Variants in CTNNA2 observed in about 807,000 individuals in gnomAD.
CTNNA2 encodes catenin alpha 2.
Under a neutral mutation model 101.0 loss-of-function variants are expected in CTNNA2, and 42 were observed. That is an observed-to-expected ratio of 0.42 (90% confidence interval 0.32 to 0.54). The LOEUF (loss-of-function observed/expected upper bound fraction) is 0.54, where lower values mean the gene tolerates loss of function less well. Among genes scored for constraint, CTNNA2 ranks in the 20% least tolerant of loss-of-function variants. The pLI is 0.14. For synonymous variants in CTNNA2, 450 were observed against 456.4 expected (o/e 0.99, Z 0.18); for missense variants, 871 against 1,223.1 (o/e 0.71, Z 4.29).
intron 1 of CTNNA2, among the ~76,000 whole-genome samples, chr2:79,559,326 A>G (rs1674629807): frequency 6.6e-6 from 1 of 151,864 alleles, no homozygotes; most frequent in Non-Finnish European, 1.5e-5. Flanking sequence ...GTTGAGTTCT[A>G]GGCCTTATTC....
intron 2 of CTNNA2, among the ~76,000 whole-genome samples, chr2:79,216,501 C>G (rs1038101758): frequency 2.0e-5 from 3 of 150,876 alleles, no homozygotes; most frequent in Non-Finnish European, 4.4e-5. Flanking sequence ...AATAAGGGAT[C>G]GGGGCACAGA....
At chr2:79,888,835 T>G (rs1307050716) in intron 6 of CTNNA2, among the ~76,000 whole-genome samples, 2 of 152,226 alleles carry the variant, frequency 1.3e-5, no homozygotes, top group Admixed American at 1.3e-4. Context: ...TAATTGATTA[T>G]GATATTCAAA....
chr2:80,619,438 T>G (rs1670867651), intron 18 of CTNNA2, among the ~76,000 whole-genome samples: 1 of 151,916 alleles, frequency 6.6e-6, no homozygotes, highest in African/African-American at 2.4e-5. Flanking sequence ...ACTTGAGAAG[T>G]GAAAAAGGTA....
chr2:80,559,878 TTATA>T (rs1442188917), intron 12 of CTNNA2, among the ~76,000 whole-genome samples: 1 of 113,936 alleles, frequency 8.8e-6, no homozygotes, highest in East Asian at 2.3e-4. Context: ...GATATCATAT[TTATA>T]TATATATATA....
rs1686882651 is a variant in CTNNA2 at position 79,726,947 on chromosome 2, T to G, written c.103-17440T>G. On this transcript the variant is annotated intron_variant, in intron 2 of 18. Transcript: ENST00000402739. ...AGTGAGTCGGTTTTAAATAGTCTAA[T>G]TAGGCAATCACTGTGTTGCTTATCT... Among the ~76,000 whole-genome samples the G allele has an allele frequency of 2.0e-5, 3 of 152,354 alleles. No individual in the cohort carries two copies. The South Asian group carries it at 6.2e-4, about 32-fold the overall frequency.
chr2:79,735,590 C>T (rs1446585032), intron 2 of CTNNA2, among the ~76,000 whole-genome samples: 2 of 152,052 alleles, frequency 1.3e-5, no homozygotes, highest in Non-Finnish European at 2.9e-5. Context: ...AAATGTAGAC[C>T]ACAGCAACTG....
At chr2:80,109,552 C>T (rs1022653038) in intron 7 of CTNNA2, among the ~76,000 whole-genome samples, 2 of 152,154 alleles carry the variant, frequency 1.3e-5, no homozygotes, top group Non-Finnish European at 2.9e-5. Context: ...TCCAGACCAG[C>T]ACTACATTGT....
intron 9 of CTNNA2, among the ~76,000 whole-genome samples, chr2:80,454,888 G>A (rs189296988): frequency 1.1e-4 from 17 of 152,352 alleles, no homozygotes; most frequent in South Asian, 8.3e-4. Flanking sequence ...GGGCTAGCCC[G>A]GGGAAGGCCC....
chr2:80,217,055 C>G (rs1708311136), intron 7 of CTNNA2, among the ~76,000 whole-genome samples: 1 of 152,028 alleles, frequency 6.6e-6, no homozygotes, highest in Non-Finnish European at 1.5e-5. Flanking sequence ...TGGTCTTGAT[C>G]TCCTGACCTC....
chr2:79,801,395 T>C, intron 3 of CTNNA2, among the ~76,000 whole-genome samples: 1 of 152,172 alleles, frequency 6.6e-6, no homozygotes, highest in East Asian at 1.9e-4. Flanking sequence ...TAATAGTGGA[T>C]CGTTTATGTG....
At position 80,631,435 on chromosome 2, in the gene CTNNA2, T is replaced by A. The variant is rs1006992367; in HGVS notation, c.2574+12207T>A. ...TGAGGATTCGATTCCTTTAATCTGT[T>A]GTTTTGAAAGTTTCTTGTATAACTC... On this transcript the variant is annotated intron_variant, in intron 18 of 18. Coordinates refer to ENST00000402739, the MANE Select transcript of CTNNA2 (RefSeq NM_001282597.3). Among the ~76,000 whole-genome samples, 14 of 146,024 alleles carry A rather than the reference T, an allele frequency of 9.6e-5. 1 individual carries two copies. Among genetic ancestry groups the A allele is most frequent in the African/African-American group, 3.4e-4 (14 of 40,940 alleles).
rs539893595 is a variant in CTNNA2 at position 79,853,762 on chromosome 2, G to A, written c.299-4251G>A. Among the ~76,000 whole-genome samples the A allele has an allele frequency of 2.6e-4, 39 of 151,156 alleles. No homozygotes were observed. The South Asian group carries it at 6.9e-3, about 27-fold the overall frequency. On this transcript the variant is annotated intron_variant, in intron 3 of 18. Transcript: ENST00000402739. ...TGGCTCACCGCAACATTCACCTCCC[G>A]GGTTCAAGTGATTCTCCTGCCTCAG... is the stretch of plus-strand genomic sequence containing the variant.
intron 9 of CTNNA2, among the ~76,000 whole-genome samples, chr2:80,538,718 G>T (rs1691266243): frequency 6.6e-6 from 1 of 152,030 alleles, no homozygotes; most frequent in African/African-American, 2.4e-5. Flanking sequence ...GCTCTTTTTT[G>T]TTTCCACATG....
intron 7 of CTNNA2, among the ~76,000 whole-genome samples, chr2:79,990,942 C>G (rs1033014500): frequency 1.1e-4 from 16 of 152,246 alleles, no homozygotes; most frequent in African/African-American, 3.6e-4. Flanking sequence ...ATTATTATCT[C>G]AATTTCAGAG....
chr2:80,344,101 C>T (rs906644064), intron 7 of CTNNA2, among the ~76,000 whole-genome samples: 1 of 152,290 alleles, frequency 6.6e-6, no homozygotes, highest in Middle Eastern at 3.4e-3. Context: ...GGACTCTCAG[C>T]CCACCTCTTA....
chr2:80,165,337 C>G (rs958214951), intron 7 of CTNNA2, among the ~76,000 whole-genome samples: 3 of 151,258 alleles, frequency 2.0e-5, no homozygotes, highest in Non-Finnish European at 2.9e-5. Flanking sequence ...ATTCTTTCCT[C>G]CATCTCTTCT....
At chr2:79,533,490 G>C (rs1316493520) in intron 1 of CTNNA2, among the ~76,000 whole-genome samples, 1 of 151,976 alleles carries the variant, frequency 6.6e-6, no homozygotes, top group Non-Finnish European at 1.5e-5. Flanking sequence ...AGACATTCTT[G>C]AGACTTAGAA....
intron 7 of CTNNA2, among the ~76,000 whole-genome samples, chr2:80,384,958 C>G (rs1676862736): frequency 6.6e-6 from 1 of 152,072 alleles, no homozygotes; most frequent in Non-Finnish European, 1.5e-5. Flanking sequence ...CATTTATTAA[C>G]TCATGGCACC....
chr2:79,281,845 G>T (rs960716224), intron 2 of CTNNA2, among the ~76,000 whole-genome samples: 1 of 152,132 alleles, frequency 6.6e-6, no homozygotes, highest in African/African-American at 2.4e-5. Context: ...GATTCCAGGA[G>T]CATGTTAGTT....
Sources: allele counts gnomAD v4.1 joint callset (sites outside exome capture counted in the v4.1 genomes callset), GRCh38; gene constraint gnomAD v4.1.1; transcripts MANE v1.5; gene names NCBI Gene and HGNC (gene_info 2026-07-23, HGNC 2026-07-21).